The following SEPTIN9 variants were observed in gnomAD, a reference collection of about 807,000 sequenced individuals.
SEPTIN9 encodes septin-9.
A neutral mutation model predicts 56.6 loss-of-function variants in SEPTIN9; 13 were observed. That is an observed-to-expected ratio of 0.23 (90% CI 0.15 to 0.37). SEPTIN9 has a LOEUF of 0.37. Among genes scored for constraint, SEPTIN9 ranks in the 10% least tolerant of loss-of-function variants. The pLI is 1.00. For synonymous variants in SEPTIN9, 332 were observed against 334.1 expected (o/e 0.99, Z 0.07); for missense variants, 650 against 823.1 (o/e 0.79, Z 2.57).
intron 7 of SEPTIN9, among the ~76,000 whole-genome samples, chr17:77,489,996 T>C (rs1034810736): frequency 9.9e-5 from 15 of 152,248 alleles, no homozygotes; most frequent in Non-Finnish European, 1.8e-4. Context: ...GCGGGCGGTC[T>C]GTGGCACTTC....
rs868065596 is a variant in SEPTIN9, at chr17:77,490,797, G to A, written c.1318G>A (p.Val440Ile). The stretch of plus-strand genomic sequence containing the variant: ...ACGCCTGAGCAAGGTGGTCAACATC[G>A]TCCCTGTCATCGCCAAGGCGGACAC... ...MKRLSKVVNI[V>I]PVIAKADTLT... The change falls in exon 8 of 12, where the codon GTC becomes ATC. Residue 440 changes from valine (V) to isoleucine (I), a missense_variant. Physicochemically the swap from Val to Ile is conservative, Grantham distance 29. Around this residue, in one of 2 missense-constraint regions of SEPTIN9, gnomAD observed 333 missense variants for 494.0 expected, o/e 0.67. Coordinates refer to ENST00000427177, the MANE Select transcript of SEPTIN9 (RefSeq NM_001113491.2). 1.4e-5 allele frequency: 23 copies of A among 1,595,906 alleles called. No homozygotes were observed. Among genetic ancestry groups the A allele is most frequent in the South Asian group, 6.8e-5 (6 of 87,900 alleles).
intron 1 of SEPTIN9, among the ~76,000 whole-genome samples, chr17:77,292,624 G>T (rs1432083045): frequency 2.0e-5 from 3 of 152,086 alleles, no homozygotes. Context: ...CTCCCAAGTA[G>T]CTGGGACTAC....
intron 3 of SEPTIN9, among the ~76,000 whole-genome samples, chr17:77,477,142 C>T (rs2039247850): frequency 6.6e-6 from 1 of 151,518 alleles, no homozygotes. Flanking sequence ...CCCTTCTTTC[C>T]CTTCCTCTCC....
chr17:77,363,782 C>G (rs1414219972), intron 2 of SEPTIN9, among the ~76,000 whole-genome samples: 1 of 152,136 alleles, frequency 6.6e-6, no homozygotes, highest in East Asian at 1.9e-4. Context: ...AAGACTGTCC[C>G]CAAGTGGACA....
intron 2 of SEPTIN9, among the ~76,000 whole-genome samples, chr17:77,355,670 A>G (rs918145526): frequency 6.6e-6 from 1 of 151,024 alleles, no homozygotes; most frequent in Non-Finnish European, 1.5e-5. Flanking sequence ...GACCTGAGCA[A>G]CCCTCCGCAG....
intron 2 of SEPTIN9, among the ~76,000 whole-genome samples, chr17:77,312,908 G>T (rs1247210141): frequency 6.6e-6 from 1 of 152,306 alleles, no homozygotes; most frequent in East Asian, 1.9e-4. Flanking sequence ...CTTCCACATT[G>T]CAAGCGTTCA....
chr17:77,416,783 G>A (rs2036523316), intron 3 of SEPTIN9, among the ~76,000 whole-genome samples: 1 of 152,108 alleles, frequency 6.6e-6, no homozygotes, highest in African/African-American at 2.4e-5. Context: ...GCACCTGGAT[G>A]GCCAGTCCCA....
rs568120288 is a variant in SEPTIN9 at position 77,481,616 on chromosome 17, C to T, written c.722-528C>T. ...ACGCTGGTTCTATCCCCGTTTCTTA[C>T]AAGACCATCCCTCCTGTGTCTTGGC... On this transcript the variant is annotated intron_variant, in intron 3 of 11. Coordinates refer to ENST00000427177, the MANE Select transcript of SEPTIN9 (RefSeq NM_001113491.2). 1.7e-4 allele frequency among the ~76,000 whole-genome samples: 26 copies of T among 152,360 alleles called. 1 individual carries two copies. The South Asian group carries it at 2.1e-3, about 12-fold the overall frequency.
intron 3 of SEPTIN9, among the ~76,000 whole-genome samples, chr17:77,428,413 G>C (rs1224820433): frequency 6.6e-6 from 1 of 152,202 alleles, no homozygotes; most frequent in African/African-American, 2.4e-5. Context: ...CCTACTGGCA[G>C]ATCAGCTGAC....
At chr17:77,377,573 G>GC (rs1382505183) in intron 2 of SEPTIN9, among the ~76,000 whole-genome samples, 1 of 152,018 alleles carries the variant, frequency 6.6e-6, no homozygotes, top group Non-Finnish European at 1.5e-5. Context: ...CTTCTCCCGA[G>GC]CCCCCACTGT....
At chr17:77,393,656 C>A (rs915663106) in intron 2 of SEPTIN9, among the ~76,000 whole-genome samples, 1 of 152,176 alleles carries the variant, frequency 6.6e-6, no homozygotes, top group African/African-American at 2.4e-5. Context: ...ATGGCACAAT[C>A]TCGGCTCACC....
At chr17:77,463,495 A>G (rs141314179) in intron 3 of SEPTIN9, among the ~76,000 whole-genome samples, 138 of 152,300 alleles carry the variant, frequency 9.1e-4, no homozygotes, top group African/African-American at 3.0e-3. Flanking sequence ...AACAAAAGAC[A>G]TCATTCTGTT....
intron 3 of SEPTIN9, among the ~76,000 whole-genome samples, chr17:77,478,352 G>A (rs1017482148): frequency 2.6e-5 from 4 of 152,176 alleles, no homozygotes; most frequent in African/African-American, 9.7e-5. Context: ...TAGAACCACC[G>A]TAGCATCCCA....
At position 77,421,802 on chromosome 17, in the gene SEPTIN9, C is replaced by T. The variant is rs1185654997; in HGVS notation, c.721+19099C>T. 6.6e-6 allele frequency among the ~76,000 whole-genome samples: 1 copy of T among 152,160 alleles called. No individual in the cohort carries two copies. The highest frequency in any genetic ancestry group is 1.9e-4 in the East Asian group (1 of 5,188). On this transcript the variant is annotated intron_variant, in intron 3 of 11. Coordinates refer to ENST00000427177, the MANE Select transcript of SEPTIN9 (RefSeq NM_001113491.2). The surrounding 1 kb of genome is among the most constrained non-coding windows in gnomAD (Gnocchi z 4.6). ...CTCGGGGATTGGCAGCTGCCACGCT[C>T]ATTTCACAGTCGAGACACCCTGGCC...
At chr17:77,439,067 TG>T (rs1037233914) in intron 3 of SEPTIN9, among the ~76,000 whole-genome samples, 6 of 152,162 alleles carry the variant, frequency 3.9e-5, no homozygotes, top group South Asian at 2.1e-4. Flanking sequence ...AAGGAGACTT[TG>T]GGGGGTTGTC....
intron 3 of SEPTIN9, among the ~76,000 whole-genome samples, chr17:77,409,885 C>T (rs868822661): frequency 6.0e-4 from 92 of 152,236 alleles, no homozygotes; most frequent in African/African-American, 2.1e-3. Context: ...GTGTGGGCAG[C>T]CCCTAACCAG....
intron 3 of SEPTIN9, among the ~76,000 whole-genome samples, chr17:77,409,526 G>A (rs2036214783): frequency 6.6e-6 from 1 of 152,228 alleles, no homozygotes; most frequent in Non-Finnish European, 1.5e-5. Flanking sequence ...GGGGCCAGGA[G>A]GCAGGCGCTG....
At chr17:77,352,546 G>A (rs1255213497) in intron 2 of SEPTIN9, among the ~76,000 whole-genome samples, 3 of 152,160 alleles carry the variant, frequency 2.0e-5, no homozygotes, top group East Asian at 1.9e-4. Context: ...GCCTTTCTCC[G>A]AGCTCTGCGG....
At chr17:77,461,675 T>G (rs1263059329) in intron 3 of SEPTIN9, among the ~76,000 whole-genome samples, 2 of 152,242 alleles carry the variant, frequency 1.3e-5, no homozygotes, top group Admixed American at 6.5e-5. Flanking sequence ...AGTGATTGTA[T>G]TAGGGTCATC....
Sources: gnomAD v4.1 joint callset for allele counts (sites outside exome capture counted in the v4.1 genomes callset) on GRCh38, gnomAD v4.1.1 for gene constraint, gnomAD v4.1.1 regional missense constraint, Gnocchi (gnomAD v3.1) non-coding constraint, MANE v1.5 for transcripts, NCBI Gene and HGNC (gene_info 2026-07-23, HGNC 2026-07-21) for gene names.